The following PCDHGA8 variants were observed in gnomAD, a reference collection of about 807,000 sequenced individuals.
The protein encoded by PCDHGA8 is protocadherin gamma-A8.
PCDHGA8 carries 45 observed loss-of-function variants against 59.2 expected under a neutral mutation model. That is an observed-to-expected ratio of 0.76 (90% CI 0.60 to 0.98). The LOEUF is 0.98. Ranked by LOEUF, PCDHGA8 falls within the 50% of genes least tolerant of loss-of-function variation. The probability of loss-of-function intolerance (pLI) is 0.00; values close to 1 mark genes in which losing one functional copy is unlikely to be tolerated. For synonymous variants in PCDHGA8, 531 were observed against 519.0 expected (o/e 1.02, Z -0.32); for missense variants, 1,257 against 1,196.2 (o/e 1.05, Z -0.75).
intron 1 of PCDHGA8, 100 bp from the exon 2 acceptor site, chr5:141,494,707 G>A: frequency 2.5e-6 from 4 of 1,599,238 alleles, no homozygotes; most frequent in Non-Finnish European, 3.4e-6. Context: ...TCTTCTCTGT[G>A]CCCACTCCCC....
At chr5:141,422,464 A>G (rs1303001624) in intron 1 of PCDHGA8, 1 of 1,613,502 alleles carries the variant, frequency 6.2e-7, no homozygotes, top group Admixed American at 1.7e-5. Context: ...AGTGCTGGAC[A>G]GGGAGTTGGT....
chr5:141,469,284 A>G lies in PCDHGA8; in HGVS notation c.2425-25523A>G, dbSNP rs192391622. On this transcript the variant is annotated intron_variant, in intron 1 of 3. Transcript: ENST00000398604. ...AGAGCAAGACCCCATCTCAAAAAAT[A>G]AAACAAAATAGACTGGGCACGATGG... Among the ~76,000 whole-genome samples, 595 of 152,012 alleles carry G rather than the reference A, an allele frequency of 3.9e-3. 6 individuals are homozygous for G. The highest frequency in any genetic ancestry group is 0.011 in the Admixed American group (171 of 15,260).
intron 1 of PCDHGA8, chr5:141,441,945 G>A: frequency 3.0e-6 from 1 of 333,884 alleles, no homozygotes; most frequent in Non-Finnish European, 5.8e-6. Flanking sequence ...ACCACGTGCT[G>A]CAGGCCAGCA....
Position 141,456,465 on chromosome 5 carries a change from C to T in PCDHGA8, c.2425-38342C>T, listed in dbSNP as rs553441797. ...ACAGAGTCCAAATATCAATACAAGA[C>T]ATATAAGCAAGAGAGTGCTTAATAA... On this transcript the variant is annotated intron_variant, in intron 1 of 3. Coordinates refer to ENST00000398604, the MANE Select transcript of PCDHGA8 (RefSeq NM_032088.2). 2.6e-5 allele frequency among the ~76,000 whole-genome samples: 4 copies of T among 152,212 alleles called. No homozygotes were observed. In the East Asian group the frequency reaches 7.7e-4, roughly 29 times the overall value.
intron 1 of PCDHGA8, chr5:141,399,579 C>T: frequency 6.2e-7 from 1 of 1,614,026 alleles, no homozygotes; most frequent in South Asian, 1.1e-5. Context: ...GCCAAGTCTC[C>T]TACTCTATCA....
intron 1 of PCDHGA8, chr5:141,409,665 CCTACT>C (rs753951498): frequency 6.2e-7 from 1 of 1,613,576 alleles, no homozygotes; most frequent in Admixed American, 1.7e-5. Context: ...GGCCACATCT[CCTACT>C]CTATAGTGGC....
rs1258752203 is a variant in PCDHGA8, at chr5:141,431,160, G to C, written c.2424+35923G>C. On this transcript the variant is annotated intron_variant, in intron 1 of 3. Coordinates refer to ENST00000398604, the MANE Select transcript of PCDHGA8 (RefSeq NM_032088.2). The surrounding 1 kb of genome is among the most constrained non-coding windows in gnomAD (Gnocchi z 4.8). ...ATTAACGACAATGCGCCTTACTTTC[G>C]TGAAAGTGAATTAGAAATAAAAATT... is the stretch of plus-strand genomic sequence containing the variant. The C allele has an allele frequency of 6.2e-7, 1 of 1,614,198 alleles. No homozygotes were observed. Among genetic ancestry groups the C allele is most frequent in the South Asian group, 1.1e-5 (1 of 91,084 alleles).
Position 141,486,362 on chromosome 5 carries a change from C to A in PCDHGA8, c.2425-8445C>A. On this transcript the variant is annotated intron_variant, in intron 1 of 3. Coordinates refer to ENST00000398604, the MANE Select transcript of PCDHGA8 (RefSeq NM_032088.2). The surrounding 1 kb of genome is among the most constrained non-coding windows in gnomAD (Gnocchi z 5.0). ...CATTCCTGACCACTTGCCATTTGCC[C>A]TCAAGTCTGCCTTCAGGAACCAGTT... The A allele has an allele frequency of 6.2e-7, 1 of 1,614,132 alleles. No individual in the cohort carries two copies. The highest frequency in any genetic ancestry group is 1.7e-5 in the Admixed American group (1 of 60,024).
chr5:141,468,222 G>A lies in PCDHGA8; in HGVS notation c.2425-26585G>A, dbSNP rs560663102. 2.6e-3 allele frequency among the ~76,000 whole-genome samples: 401 copies of A among 151,572 alleles called. 2 individuals are homozygous for A. Among genetic ancestry groups the A allele is most frequent in the South Asian group, 0.02 (97 of 4,782 alleles). ...TGCCTGTAATTCCAGCTACTTGGGA[G>A]GATGAGGTAGGAGAATTGCCTGAAC... On this transcript the variant is annotated intron_variant, in intron 1 of 3. Coordinates refer to ENST00000398604, the MANE Select transcript of PCDHGA8 (RefSeq NM_032088.2).
chr5:141,395,259 C>A, intron 1 of PCDHGA8, 22 bp downstream of exon 1: 1 of 1,551,968 alleles, frequency 6.4e-7, no homozygotes, highest in South Asian at 1.2e-5. Context: ...TCTTTGCTTG[C>A]TTTTAATTTC....
chr5:141,404,289 A>G (rs552765425), intron 1 of PCDHGA8: 15 of 1,614,006 alleles, frequency 9.3e-6, no homozygotes, highest in East Asian at 4.5e-5. Flanking sequence ...ACTGACATCA[A>G]TGATAATCCA....
intron 1 of PCDHGA8, chr5:141,410,849 CTT>C (rs759346998): frequency 0.032 from 4,298 of 136,266 alleles, no homozygotes; most frequent in South Asian, 0.069. Flanking sequence ...TTGTCTTTGT[CTT>C]TTTTTTTTTT....
intron 1 of PCDHGA8, chr5:141,408,296 C>T (rs2154539952): frequency 1.2e-6 from 2 of 1,613,550 alleles, no homozygotes; most frequent in Non-Finnish European, 1.7e-6. Flanking sequence ...CCTGAGTGAG[C>T]CGATCCGCTA....
At chr5:141,422,665 C>T in intron 1 of PCDHGA8, 2 of 1,608,390 alleles carry the variant, frequency 1.2e-6, no homozygotes, top group Non-Finnish European at 8.5e-7. Context: ...CGCCCTCGAC[C>T]CGGACAGCAA....
rs1407774111 is a variant in PCDHGA8 at position 141,431,569 on chromosome 5, C to G, written c.2424+36332C>G. On this transcript the variant is annotated intron_variant, in intron 1 of 3. Transcript: ENST00000398604. The surrounding 1 kb of genome is among the most constrained non-coding windows in gnomAD (Gnocchi z 4.8). Reference sequence around the variant, plus strand: ...TTGTAGTCAACGCTACCGACCCTGACGAAGGAGTCAATGCGGAAGTGAGGT... The same window carrying G: ...TTGTAGTCAACGCTACCGACCCTGAGGAAGGAGTCAATGCGGAAGTGAGGT... 5.6e-6 allele frequency: 9 copies of G among 1,614,000 alleles called. No homozygotes were observed. Among genetic ancestry groups the G allele is most frequent in the African/African-American group, 2.7e-5 (2 of 74,932 alleles).
Position 141,419,271 on chromosome 5 carries a change from T to C in PCDHGA8, c.2424+24034T>C, listed in dbSNP as rs2096352878. 4 of 1,613,902 alleles carry C rather than the reference T, an allele frequency of 2.5e-6. No homozygotes were observed. In the South Asian group the frequency reaches 3.3e-5, roughly 13 times the overall value. ...GAAAACAACCAGCCGGGTGCCTCCA[T>C]AGCGCAAGTCAGTGCCTCTGACCCA... On this transcript the variant is annotated intron_variant, in intron 1 of 3. Transcript: ENST00000398604.
intron 1 of PCDHGA8, chr5:141,415,810 T>C: frequency 7.4e-7 from 1 of 1,360,418 alleles, no homozygotes; most frequent in Non-Finnish European, 9.5e-7. Context: ...AATCAAGGCC[T>C]ATATATCATA....
At chr5:141,471,660 A>G (rs1010236543) in intron 1 of PCDHGA8, 12 of 152,184 alleles carry the variant, frequency 7.9e-5, no homozygotes, top group Non-Finnish European at 1.8e-4. Flanking sequence ...GTGGGGATGC[A>G]GAAAAAAATA....
chr5:141,419,358 C>A (rs569760413), intron 1 of PCDHGA8: 1 of 1,613,810 alleles, frequency 6.2e-7, no homozygotes, highest in South Asian at 1.1e-5. Flanking sequence ...GAGTCACGAA[C>A]GCTGTCGTCC....
Sources: allele counts gnomAD v4.1 joint callset (sites outside exome capture counted in the v4.1 genomes callset), GRCh38; gene constraint gnomAD v4.1.1; non-coding constraint Gnocchi (gnomAD v3.1); transcripts MANE v1.5; gene names NCBI Gene and HGNC (gene_info 2026-07-23, HGNC 2026-07-21).